ROBO1: variants seen among roughly 807,000 people sequenced by gnomAD.
ROBO1 encodes roundabout homolog 1.
ROBO1 carries 149 observed loss-of-function variants against 195.9 expected under a neutral mutation model. The observed-to-expected ratio is 0.76, with a 90% CI of 0.67 to 0.87. ROBO1 has a LOEUF of 0.87. ROBO1 is among the 40% of genes least tolerant of loss of function. The pLI, the probability that ROBO1 is intolerant of heterozygous loss-of-function variation, is 0.00. For missense variants in ROBO1, 1,933 were observed against 2,068.3 expected, an observed-to-expected ratio of 0.93 and a Z score of 1.27; for synonymous variants, 816 against 733.2, an observed-to-expected ratio of 1.11 and a Z score of -1.82.
chr3:79,167,825 A>C (rs748022319), intron 2 of ROBO1, among the ~76,000 whole-genome samples: 1 of 152,128 alleles, frequency 6.6e-6, no homozygotes, highest in Non-Finnish European at 1.5e-5. Context: ...GACTCAGGCA[A>C]GTTATTTGAA....
At chr3:79,697,284 G>C (rs1560109345) in intron 1 of ROBO1, among the ~76,000 whole-genome samples, 1 of 151,414 alleles carries the variant, frequency 6.6e-6, no homozygotes, top group African/African-American at 2.4e-5. Flanking sequence ...GAATGAGCAA[G>C]TCAATGGTTA....
intron 1 of ROBO1, among the ~76,000 whole-genome samples, chr3:79,684,077 G>A (rs917919996): frequency 1.3e-5 from 2 of 151,984 alleles, no homozygotes; most frequent in African/African-American, 4.8e-5. Flanking sequence ...CAATATATGA[G>A]GACTCCAGTT....
intron 3 of ROBO1, among the ~76,000 whole-genome samples, chr3:79,022,430 A>G (rs991706197): frequency 6.6e-6 from 1 of 152,228 alleles, no homozygotes; most frequent in Non-Finnish European, 1.5e-5. Context: ...GTTAAATGAC[A>G]TCCCAGTACA....
At chr3:79,526,054 T>C (rs1394835631) in intron 2 of ROBO1, among the ~76,000 whole-genome samples, 2 of 152,154 alleles carry the variant, frequency 1.3e-5, no homozygotes, top group Non-Finnish European at 2.9e-5. Flanking sequence ...CCAAAGTACA[T>C]TCATTAAAAT....
chr3:79,330,671 GAAA>G (rs34923136), intron 2 of ROBO1, among the ~76,000 whole-genome samples: 28 of 77,368 alleles, frequency 3.6e-4, no homozygotes, highest in African/African-American at 9.6e-4. Flanking sequence ...GGAACTTAGG[GAAA>G]AAAAAAAAAA....
At chr3:79,372,501 G>T (rs528386419) in intron 2 of ROBO1, among the ~76,000 whole-genome samples, 23 of 151,994 alleles carry the variant, frequency 1.5e-4, no homozygotes, top group African/African-American at 5.6e-4. Context: ...GAGCCACTGC[G>T]CCTGGCCTCT....
At chr3:78,987,597 G>T (rs1338764910) in intron 3 of ROBO1, among the ~76,000 whole-genome samples, 1 of 151,992 alleles carries the variant, frequency 6.6e-6, no homozygotes, top group East Asian at 1.9e-4. Context: ...CTTCATAAAG[G>T]TCCTTGAGGT....
At chr3:79,584,415 AAAAC>A (rs1283347840) in intron 2 of ROBO1, among the ~76,000 whole-genome samples, 4 of 151,310 alleles carry the variant, frequency 2.6e-5, no homozygotes, top group Non-Finnish European at 5.9e-5. Context: ...TTATTTTCTT[AAAAC>A]AAACAAAATA....
intron 3 of ROBO1, among the ~76,000 whole-genome samples, chr3:79,036,238 C>A (rs2078379392): frequency 6.6e-6 from 1 of 151,952 alleles, no homozygotes; most frequent in African/African-American, 2.4e-5. Flanking sequence ...CTTTTCTCTT[C>A]TTTACAAGTC....
At chr3:79,167,833 G>C (rs2081096071) in intron 2 of ROBO1, among the ~76,000 whole-genome samples, 1 of 152,144 alleles carries the variant, frequency 6.6e-6, no homozygotes, top group African/African-American at 2.4e-5. Flanking sequence ...CAAGTTATTT[G>C]AATGCATTGT....
chr3:78,610,405 A>G (rs1332635018), intron 28 of ROBO1, among the ~76,000 whole-genome samples: 1 of 152,190 alleles, frequency 6.6e-6, no homozygotes, highest in Non-Finnish European at 1.5e-5. Flanking sequence ...AATGATTTTA[A>G]GTTCAGACTG....
chr3:79,681,005 T>G (rs1193011256), intron 1 of ROBO1, among the ~76,000 whole-genome samples: 2 of 151,864 alleles, frequency 1.3e-5, no homozygotes, highest in African/African-American at 4.8e-5. Flanking sequence ...AGGAAGATCT[T>G]TGGAAAAAAT....
chr3:79,497,612 TTGA>T (rs201031944), intron 2 of ROBO1, among the ~76,000 whole-genome samples: 2,281 of 152,268 alleles, frequency 0.015, 62 homozygotes, highest in Admixed American at 0.059. Flanking sequence ...ATGACATTTA[TTGA>T]TGAAAAAAGA....
intron 4 of ROBO1, among the ~76,000 whole-genome samples, chr3:78,788,440 T>TTTA (rs1553728992): frequency 4.0e-5 from 3 of 75,762 alleles, no homozygotes; most frequent in Non-Finnish European, 7.4e-5. Flanking sequence ...TTTTTTTTTT[T>TTTA]AAAAAAAAAA....
intron 1 of ROBO1, among the ~76,000 whole-genome samples, chr3:79,732,047 A>T (rs548131712): frequency 1.3e-5 from 2 of 152,212 alleles, no homozygotes. Context: ...TATAAAACAT[A>T]TAGATGAGGT....
intron 3 of ROBO1, among the ~76,000 whole-genome samples, chr3:79,060,962 C>T (rs2078905698): frequency 6.6e-6 from 1 of 152,146 alleles, no homozygotes; most frequent in Admixed American, 6.5e-5. Flanking sequence ...CCCTCTCTCA[C>T]CACTCCTATT....
chr3:79,749,207 C>T (rs7643250), intron 1 of ROBO1, among the ~76,000 whole-genome samples: 3,701 of 152,168 alleles, frequency 0.024, 144 homozygotes, highest in African/African-American at 0.085. Context: ...TGACATTTTG[C>T]CCCTGCCCTA....
chr3:79,514,022 T>C (rs1940836813), intron 2 of ROBO1, among the ~76,000 whole-genome samples: 1 of 152,192 alleles, frequency 6.6e-6, no homozygotes, highest in Admixed American at 6.5e-5. Flanking sequence ...AACCTTTTGT[T>C]CTCTAGACCG....
intron 3 of ROBO1, among the ~76,000 whole-genome samples, chr3:78,963,110 T>TA (rs1560055536): frequency 1.3e-4 from 19 of 151,428 alleles, no homozygotes; most frequent in Middle Eastern, 3.5e-3. Flanking sequence ...TATATATATA[T>TA]TACCTTGCAA....
Sources: allele counts gnomAD v4.1 joint callset (sites outside exome capture counted in the v4.1 genomes callset), GRCh38; gene constraint gnomAD v4.1.1; transcripts MANE v1.5; gene names NCBI Gene and HGNC (gene_info 2026-07-23, HGNC 2026-07-21).